Variants in ETV6 observed in about 807,000 individuals in gnomAD.
ETV6 encodes ETS variant transcription factor 6.
ETV6 carries 16 observed loss-of-function variants against 51.1 expected under a neutral mutation model. The observed-to-expected ratio is 0.31, with a 90% CI of 0.21 to 0.48. The LOEUF is 0.48. Ranked by LOEUF, ETV6 falls within the 20% of genes least tolerant of loss-of-function variation. The probability of loss-of-function intolerance (pLI) is 0.99; values close to 1 mark genes in which losing one functional copy is unlikely to be tolerated. For missense variants in ETV6, 458 were observed against 594.8 expected, an observed-to-expected ratio of 0.77 and a Z score of 2.39; for synonymous variants, 240 against 224.1, an observed-to-expected ratio of 1.07 and a Z score of -0.64.
intron 1 of ETV6, among the ~76,000 whole-genome samples, chr12:11,660,377 G>C (rs931862503): frequency 6.6e-6 from 1 of 151,994 alleles, no homozygotes; most frequent in African/African-American, 2.4e-5. Context: ...GGCCGAGGCG[G>C]GTGAATCACC....
At chr12:11,797,564 CT>C (rs1186679406) in intron 2 of ETV6, among the ~76,000 whole-genome samples, 1 of 152,160 alleles carries the variant, frequency 6.6e-6, no homozygotes, top group African/African-American at 2.4e-5. Flanking sequence ...ACAGCAAAGG[CT>C]TGTTTTTAGG....
chr12:11,883,906 A>G (rs1176208036), intron 5 of ETV6, among the ~76,000 whole-genome samples: 1 of 151,694 alleles, frequency 6.6e-6, no homozygotes, highest in Non-Finnish European at 1.5e-5. Flanking sequence ...TTTTCCCACC[A>G]TTTTTCACTC....
At chr12:11,725,397 C>G (rs1282807816) in intron 1 of ETV6, among the ~76,000 whole-genome samples, 1 of 152,070 alleles carries the variant, frequency 6.6e-6, no homozygotes, top group Non-Finnish European at 1.5e-5. Context: ...TTGTAACAGA[C>G]CAGGTTGGAG....
intron 1 of ETV6, among the ~76,000 whole-genome samples, chr12:11,746,318 A>G (rs545593253): frequency 4.6e-5 from 7 of 152,222 alleles, no homozygotes; most frequent in Non-Finnish European, 1.0e-4. Flanking sequence ...TACCAGCCAC[A>G]CCATCTCCCA....
chr12:11,750,792 CTTTT>C (rs6144613), intron 1 of ETV6: 1,698 of 368,230 alleles, frequency 4.6e-3, no homozygotes, highest in African/African-American at 0.012. Flanking sequence ...TATGTGTGGG[CTTTT>C]TTTTTTTTTT....
At chr12:11,760,343 G>A (rs768526830) in intron 2 of ETV6, among the ~76,000 whole-genome samples, 1 of 152,200 alleles carries the variant, frequency 6.6e-6, no homozygotes, top group Non-Finnish European at 1.5e-5. Flanking sequence ...CAGATGATGG[G>A]TACGGATAAT....
chr12:11,681,506 G>C (rs947914923), intron 1 of ETV6, among the ~76,000 whole-genome samples: 1 of 152,000 alleles, frequency 6.6e-6, no homozygotes, highest in African/African-American at 2.4e-5. Context: ...AGGTCTTTCA[G>C]ACCACAATTT....
intron 2 of ETV6, among the ~76,000 whole-genome samples, chr12:11,779,619 C>T (rs1945382618): frequency 6.6e-6 from 1 of 152,114 alleles, no homozygotes; most frequent in African/African-American, 2.4e-5. Flanking sequence ...TCTTTTCTGC[C>T]AGAAGGAAAA....
intron 2 of ETV6, among the ~76,000 whole-genome samples, chr12:11,823,335 C>T (rs556390375): frequency 6.6e-5 from 10 of 152,226 alleles, no homozygotes; most frequent in African/African-American, 1.7e-4. Flanking sequence ...GTCACTCATA[C>T]TTTTGTGAAC....
intron 2 of ETV6, among the ~76,000 whole-genome samples, chr12:11,762,485 G>A (rs765379429): frequency 1.3e-5 from 2 of 152,288 alleles, no homozygotes; most frequent in South Asian, 2.1e-4. Flanking sequence ...GCTGATCTGC[G>A]TGGATGGGCC....
chr12:11,716,199 T>C (rs564372693), intron 1 of ETV6, among the ~76,000 whole-genome samples: 1 of 151,630 alleles, frequency 6.6e-6, no homozygotes, highest in Non-Finnish European at 1.5e-5. Context: ...GGCATGGTGG[T>C]GGGCGCCTGT....
rs183579990 is a variant in ETV6, at chr12:11,891,063, C to G, written c.*17C>G. 1,029 of 1,592,924 alleles carry G rather than the reference C, an allele frequency of 6.5e-4. 7 individuals carry two copies. In the African/African-American group the frequency reaches 0.012, roughly 19 times the overall value. The stretch of plus-strand genomic sequence containing the variant: ...GAATGCTGAAGGAACCAACAGTCCA[C>G]CTCAGCGGGCCAGCAGCCCAGGGAA... On this transcript the variant is annotated 3_prime_UTR_variant, in exon 8 of 8. Coordinates refer to ENST00000396373, the MANE Select transcript of ETV6 (RefSeq NM_001987.5).
At chr12:11,715,163 T>C (rs969829039) in intron 1 of ETV6, among the ~76,000 whole-genome samples, 2 of 152,216 alleles carry the variant, frequency 1.3e-5, no homozygotes, top group African/African-American at 2.4e-5. Context: ...GCATATACAC[T>C]GAAAACCACG....
At position 11,806,732 on chromosome 12, in the gene ETV6, C is replaced by A. The variant is rs1194861046; in HGVS notation, c.164-32408C>A. On this transcript the variant is annotated intron_variant, in intron 2 of 7. Transcript: ENST00000396373. ...GTAACATATTTATTATTTTAAAGAA[C>A]TGGCCAGAGAGTTGCATGTTCTGTG... Among the ~76,000 whole-genome samples the A allele has an allele frequency of 3.9e-5, 6 of 152,224 alleles. No homozygotes were observed. In the East Asian group the frequency reaches 9.6e-4, roughly 24 times the overall value.
chr12:11,810,277 C>G (rs890058879), intron 2 of ETV6, among the ~76,000 whole-genome samples: 1 of 152,152 alleles, frequency 6.6e-6, no homozygotes, highest in Non-Finnish European at 1.5e-5. Context: ...GATGGACTTT[C>G]AAGTCCAAGT....
intron 2 of ETV6, among the ~76,000 whole-genome samples, chr12:11,759,389 A>G (rs1945050060): frequency 6.6e-6 from 1 of 152,114 alleles, no homozygotes; most frequent in Non-Finnish European, 1.5e-5. Context: ...TGAAGTAGAC[A>G]TTTGGAAACT....
chr12:11,736,274 T>TCTTGGAG (rs1329652597), intron 1 of ETV6, among the ~76,000 whole-genome samples: 3 of 152,228 alleles, frequency 2.0e-5, no homozygotes, highest in Non-Finnish European at 4.4e-5. Flanking sequence ...CAGGCACTGT[T>TCTTGGAG]CTTGGAGCAG....
chr12:11,774,242 C>A (rs143276177), intron 2 of ETV6, among the ~76,000 whole-genome samples: 3 of 152,308 alleles, frequency 2.0e-5, no homozygotes, highest in Non-Finnish European at 2.9e-5. Flanking sequence ...GTTTCAGGTC[C>A]ACGGTTGAGC....
chr12:11,803,403 T>A (rs958339172), intron 2 of ETV6, among the ~76,000 whole-genome samples: 3 of 152,226 alleles, frequency 2.0e-5, no homozygotes, highest in African/African-American at 7.2e-5. Flanking sequence ...ACATATTTGT[T>A]GAATGAATCC....
Sources: allele counts gnomAD v4.1 joint callset (sites outside exome capture counted in the v4.1 genomes callset), GRCh38; gene constraint gnomAD v4.1.1; transcripts MANE v1.5; gene names NCBI Gene and HGNC (gene_info 2026-07-23, HGNC 2026-07-21).